Variants in PDE7B observed in about 807,000 individuals in gnomAD.
PDE7B encodes the protein phosphodiesterase 7B, also known as 3',5'-cyclic-AMP phosphodiesterase 7B.
In PDE7B, 29 loss-of-function variants were observed where a neutral mutation model predicts 56.2. The ratio of observed to expected loss-of-function variants is 0.52; its 90% CI spans 0.38 to 0.70. The LOEUF (loss-of-function observed/expected upper bound fraction) is 0.70, where lower values mean the gene tolerates loss of function less well. Ranked by LOEUF, PDE7B falls within the 30% of genes least tolerant of loss-of-function variation. PDE7B has a pLI of 0.00. For missense variants in PDE7B, 490 were observed against 565.0 expected (o/e 0.87, Z 1.35); for synonymous variants, 197 against 196.9 (o/e 1.00, Z 0.00).
intron 1 of PDE7B, among the ~76,000 whole-genome samples, chr6:135,858,274 T>C (rs1230826153): frequency 1.3e-5 from 2 of 152,044 alleles, no homozygotes; most frequent in Non-Finnish European, 2.9e-5. Context: ...TGCCTCACCC[T>C]CCCAAGTAGC....
intron 1 of PDE7B, among the ~76,000 whole-genome samples, chr6:135,860,538 C>T (rs540763304): frequency 7.9e-5 from 12 of 151,932 alleles, no homozygotes; most frequent in Non-Finnish European, 1.3e-4. Context: ...CATAATTTGG[C>T]GACATTCAGT....
chr6:135,908,319 C>T (rs545917228), intron 1 of PDE7B, among the ~76,000 whole-genome samples: 1 of 151,934 alleles, frequency 6.6e-6, no homozygotes, highest in Non-Finnish European at 1.5e-5. Flanking sequence ...GTCTCGTATC[C>T]CAACCTCAGG....
At chr6:136,074,570 T>C (rs9389369) in intron 2 of PDE7B, among the ~76,000 whole-genome samples, 68,946 of 151,912 alleles carry the variant, frequency 0.45, 16,073 homozygotes, top group African/African-American at 0.57. Flanking sequence ...TAACCATTCC[T>C]CCTTCCCACT....
intron 2 of PDE7B, among the ~76,000 whole-genome samples, chr6:135,962,936 C>T (rs1481840139): frequency 6.6e-6 from 1 of 152,130 alleles, no homozygotes; most frequent in African/African-American, 2.4e-5. Flanking sequence ...AGTTGCAAAA[C>T]AATAGGAAAG....
intron 2 of PDE7B, among the ~76,000 whole-genome samples, chr6:136,023,068 T>C (rs547014635): frequency 4.6e-5 from 7 of 152,244 alleles, no homozygotes; most frequent in South Asian, 4.2e-4. Flanking sequence ...TTCCCAATTA[T>C]CTATTTGTTA....
At chr6:135,937,604 G>C (rs911972761) in intron 1 of PDE7B, among the ~76,000 whole-genome samples, 1 of 152,134 alleles carries the variant, frequency 6.6e-6, no homozygotes, top group South Asian at 2.1e-4. Context: ...ACATTATTCA[G>C]AAAGTTTTCC....
chr6:135,978,051 A>G (rs78518028), intron 2 of PDE7B, among the ~76,000 whole-genome samples: 1,843 of 152,238 alleles, frequency 0.012, 46 homozygotes, highest in African/African-American at 0.041. Context: ...AACTGTGCGG[A>G]TACATTCTGA....
intron 2 of PDE7B, among the ~76,000 whole-genome samples, chr6:135,994,670 C>A (rs563542317): frequency 6.6e-6 from 1 of 152,278 alleles, no homozygotes; most frequent in South Asian, 2.1e-4. Flanking sequence ...TAATGAATCT[C>A]ATTTATTCAA....
intron 1 of PDE7B, among the ~76,000 whole-genome samples, chr6:135,909,153 A>G (rs1034270984): frequency 6.6e-6 from 1 of 152,118 alleles, no homozygotes; most frequent in Non-Finnish European, 1.5e-5. Flanking sequence ...TTGTTGTTAA[A>G]TTACTGTGAA....
At chr6:136,083,480 G>A (rs1461426362) in intron 2 of PDE7B, among the ~76,000 whole-genome samples, 3 of 152,090 alleles carry the variant, frequency 2.0e-5, no homozygotes, top group Admixed American at 6.6e-5. Context: ...TCAGAAAGAC[G>A]TAACAGAAGT....
chr6:135,903,353 G>A lies in PDE7B; in HGVS notation c.22-44111G>A, dbSNP rs561966361. The stretch of plus-strand genomic sequence containing the variant: ...TGCACAGCTGGTAAGGCTTGGTAAA[G>A]GCTTGAGTTCTAACCCATCTGTGTG... On this transcript the variant is annotated intron_variant, in intron 1 of 12. Coordinates refer to ENST00000308191, the MANE Select transcript of PDE7B (RefSeq NM_018945.4). Among the ~76,000 whole-genome samples, 3 of 152,290 alleles carry A rather than the reference G, an allele frequency of 2.0e-5. No homozygotes were observed. In the East Asian group the frequency reaches 5.8e-4, roughly 29 times the overall value.
At chr6:135,938,442 C>T (rs1443320892) in intron 1 of PDE7B, among the ~76,000 whole-genome samples, 1 of 152,142 alleles carries the variant, frequency 6.6e-6, no homozygotes, top group Non-Finnish European at 1.5e-5. Context: ...CAGGAAAATT[C>T]CCAGAGCACA....
At chr6:136,134,908 G>T (rs1778186524) in intron 3 of PDE7B, among the ~76,000 whole-genome samples, 1 of 151,632 alleles carries the variant, frequency 6.6e-6, no homozygotes, top group Non-Finnish European at 1.5e-5. Flanking sequence ...ACTCAAATCA[G>T]CCATGTTGGT....
chr6:136,011,688 G>T (rs889331752), intron 2 of PDE7B, among the ~76,000 whole-genome samples: 2 of 152,134 alleles, frequency 1.3e-5, no homozygotes, highest in African/African-American at 4.8e-5. Context: ...CTAAGTGCCT[G>T]AACTAACATG....
intron 2 of PDE7B, among the ~76,000 whole-genome samples, chr6:136,038,850 G>T (rs1337410872): frequency 6.6e-6 from 1 of 152,106 alleles, no homozygotes; most frequent in African/African-American, 2.4e-5. Context: ...CTCTTTAATG[G>T]CCATCCTGAC....
At chr6:136,163,708 A>C (rs1327542353) in intron 8 of PDE7B, among the ~76,000 whole-genome samples, 2 of 152,134 alleles carry the variant, frequency 1.3e-5, no homozygotes, top group Admixed American at 1.3e-4. Context: ...CCATTTAGGA[A>C]TTTCTTCTAT....
At chr6:135,869,686 GT>G (rs1227597608) in intron 1 of PDE7B, among the ~76,000 whole-genome samples, 1 of 152,160 alleles carries the variant, frequency 6.6e-6, no homozygotes, top group African/African-American at 2.4e-5. Context: ...GAGACAACAG[GT>G]TGCTGGCTGT....
At chr6:136,110,738 T>G (rs944485966) in intron 3 of PDE7B, among the ~76,000 whole-genome samples, 1 of 150,524 alleles carries the variant, frequency 6.6e-6, no homozygotes, top group Non-Finnish European at 1.5e-5. Flanking sequence ...TTTTTTACAA[T>G]TTGCCTCTTT....
chr6:135,960,316 CAT>C (rs1481157689), intron 2 of PDE7B, among the ~76,000 whole-genome samples: 2 of 152,140 alleles, frequency 1.3e-5, no homozygotes, highest in Admixed American at 6.5e-5. Flanking sequence ...AATAACAAAA[CAT>C]GTGACTGCCA....
Sources: allele counts gnomAD v4.1 joint callset (sites outside exome capture counted in the v4.1 genomes callset), GRCh38; gene constraint gnomAD v4.1.1; transcripts MANE v1.5; gene names NCBI Gene and HGNC (gene_info 2026-07-23, HGNC 2026-07-21).